CCDC91: variants seen among roughly 807,000 people sequenced by gnomAD.
The protein encoded by CCDC91 is coiled-coil domain-containing protein 91.
CCDC91 carries 48 observed loss-of-function variants against 63.2 expected under a neutral mutation model. The ratio of observed to expected loss-of-function variants is 0.76; its 90% CI spans 0.60 to 0.97. CCDC91 has a LOEUF of 0.97. Ranked by LOEUF, CCDC91 falls within the 50% of genes least tolerant of loss-of-function variation. CCDC91 has a pLI of 0.00. For missense variants in CCDC91, 500 were observed against 494.6 expected (o/e 1.01, Z -0.10); for synonymous variants, 167 against 165.8 (o/e 1.01, Z -0.06).
intron 6 of CCDC91, among the ~76,000 whole-genome samples, chr12:28,342,128 GA>G (rs1942471146): frequency 6.6e-6 from 1 of 152,186 alleles, no homozygotes. Flanking sequence ...AGAAGCATGA[GA>G]AGAATTTGAT....
intron 7 of CCDC91, among the ~76,000 whole-genome samples, chr12:28,363,246 G>A: frequency 6.6e-6 from 1 of 151,746 alleles, no homozygotes; most frequent in Non-Finnish European, 1.5e-5. Flanking sequence ...CTCATAACAA[G>A]CTATATAGTT....
intron 2 of CCDC91, among the ~76,000 whole-genome samples, chr12:28,258,109 T>C (rs1272717104): frequency 6.6e-6 from 1 of 152,004 alleles, no homozygotes; most frequent in Non-Finnish European, 1.5e-5. Context: ...TTCTTCTCTT[T>C]TGCTGATCTT....
At chr12:28,439,370 T>C (rs1435936002) in intron 8 of CCDC91, among the ~76,000 whole-genome samples, 1 of 152,184 alleles carries the variant, frequency 6.6e-6, no homozygotes, top group African/African-American at 2.4e-5. Flanking sequence ...GTTTATTAAA[T>C]TTATTTAGTG....
At chr12:28,257,000 A>T (rs1946499267) in intron 1 of CCDC91, 1 of 466,450 alleles carries the variant, frequency 2.1e-6, no homozygotes. Flanking sequence ...ATGGCAAAAT[A>T]CATGGTTGCT....
chr12:28,347,777 T>A (rs1942913027), intron 6 of CCDC91, among the ~76,000 whole-genome samples: 1 of 152,202 alleles, frequency 6.6e-6, no homozygotes, highest in Non-Finnish European at 1.5e-5. Flanking sequence ...AAGATATTTT[T>A]AAAAAGTGAT....
chr12:28,309,530 G>A (rs1323738383), intron 6 of CCDC91, among the ~76,000 whole-genome samples: 4 of 151,636 alleles, frequency 2.6e-5, no homozygotes, highest in East Asian at 1.9e-4. Context: ...TTATTCATTC[G>A]GTCTTATAGG....
At chr12:28,283,089 C>G (rs1050089357) in intron 3 of CCDC91, among the ~76,000 whole-genome samples, 15 of 151,976 alleles carry the variant, frequency 9.9e-5, no homozygotes, top group African/African-American at 3.4e-4. Context: ...TGTACCAGTT[C>G]CATGCTGTTT....
intron 12 of CCDC91, among the ~76,000 whole-genome samples, chr12:28,506,462 G>C (rs1028425442): frequency 3.9e-5 from 6 of 151,934 alleles, no homozygotes; most frequent in Admixed American, 3.3e-4. Context: ...TGAAAGGCAG[G>C]ATTCCTAGTT....
At chr12:28,197,806 A>T (rs1346490439) in intron 1 of CCDC91, among the ~76,000 whole-genome samples, 3 of 152,056 alleles carry the variant, frequency 2.0e-5, no homozygotes, top group African/African-American at 7.2e-5. Flanking sequence ...ATATCCTCTT[A>T]AGTCTATTCT....
In CCDC91 at chr12:28,255,347, C is replaced by T. The variant is rs563718809; in HGVS notation, c.-14-1855C>T. Among the ~76,000 whole-genome samples the T allele has an allele frequency of 1.4e-3, 206 of 152,234 alleles. 1 individual carries two copies. Among genetic ancestry groups the T allele is most frequent in the African/African-American group, 4.6e-3 (191 of 41,556 alleles). On this transcript the variant is annotated intron_variant, in intron 1 of 12. Transcript: ENST00000536442. ...TATTTGAGTACAGCATATGTAGATG[C>T]TAAAAATTTTTTGTTTCTTCAGATT... is the stretch of plus-strand genomic sequence containing the variant.
Position 28,504,095 on chromosome 12 carries a change from ATAAAT to A in CCDC91, c.1215+19934_1215+19938del, listed in dbSNP as rs1023918903. On this transcript the variant is annotated intron_variant, in intron 12 of 12. Coordinates refer to ENST00000536442, the MANE Select transcript of CCDC91 (RefSeq NM_018318.5). ...AAACTTAAAGTGTAAAAATAATAAA[ATAAAT>A]TAATTTAAAAAAGACTCCAACTCCA... 5.3e-5 allele frequency among the ~76,000 whole-genome samples: 8 copies of A among 151,174 alleles called. No individual in the cohort carries two copies. In the South Asian group the frequency reaches 1.3e-3, roughly 24 times the overall value.
At chr12:28,295,468 TAC>T (rs1949510682) in intron 3 of CCDC91, among the ~76,000 whole-genome samples, 1 of 152,104 alleles carries the variant, frequency 6.6e-6, no homozygotes, top group Admixed American at 6.5e-5. Flanking sequence ...GATATTAAAC[TAC>T]AAACAATGGC....
At chr12:28,426,912 G>A (rs1418101452) in intron 8 of CCDC91, among the ~76,000 whole-genome samples, 1 of 151,974 alleles carries the variant, frequency 6.6e-6, no homozygotes, top group East Asian at 1.9e-4. Context: ...GAATTTTGTG[G>A]GACTTTTAAT....
At chr12:28,430,003 T>C (rs1238737335) in intron 8 of CCDC91, among the ~76,000 whole-genome samples, 2 of 152,096 alleles carry the variant, frequency 1.3e-5, no homozygotes, top group East Asian at 3.8e-4. Flanking sequence ...GGAATTTTTT[T>C]TTCTAGCCTT....
chr12:28,483,797 A>G (rs1389072268), intron 11 of CCDC91, among the ~76,000 whole-genome samples: 2 of 152,276 alleles, frequency 1.3e-5, no homozygotes, highest in East Asian at 1.9e-4. Flanking sequence ...TAGGGAAGCC[A>G]TTGGAATCTG....
chr12:28,214,154 A>T (rs1943412796), intron 1 of CCDC91, among the ~76,000 whole-genome samples: 1 of 152,082 alleles, frequency 6.6e-6, no homozygotes, highest in African/African-American at 2.4e-5. Flanking sequence ...TAAAACAGTG[A>T]TTCAGTTGAA....
intron 6 of CCDC91, among the ~76,000 whole-genome samples, chr12:28,323,869 T>C (rs979653179): frequency 5.9e-5 from 9 of 151,892 alleles, no homozygotes; most frequent in Admixed American, 2.6e-4. Flanking sequence ...GTACTAGAGT[T>C]TCAGTAGTGA....
intron 1 of CCDC91, 76 bp downstream of exon 1, chr12:28,190,717 G>A (rs1941129837): frequency 6.6e-6 from 1 of 150,610 alleles, no homozygotes; most frequent in Non-Finnish European, 1.5e-5. Flanking sequence ...GCGCCCCACC[G>A]GGGGAGGAGC....
At chr12:28,477,489 G>A (rs1190302340) in intron 11 of CCDC91, among the ~76,000 whole-genome samples, 1 of 152,014 alleles carries the variant, frequency 6.6e-6, no homozygotes, top group African/African-American at 2.4e-5. Context: ...AGCTATTTAT[G>A]ACAAACCCAC....
Sources: gnomAD v4.1 joint callset for allele counts (sites outside exome capture counted in the v4.1 genomes callset) on GRCh38, gnomAD v4.1.1 for gene constraint, MANE v1.5 for transcripts, NCBI Gene and HGNC (gene_info 2026-07-23, HGNC 2026-07-21) for gene names.